CHORDC1: variants seen among roughly 807,000 people sequenced by gnomAD.
The protein encoded by CHORDC1 is cysteine and histidine-rich domain-containing protein 1.
CHORDC1 carries 25 observed loss-of-function variants against 48.3 expected under a neutral mutation model. The observed-to-expected ratio is 0.52, with a 90% CI of 0.38 to 0.72. The LOEUF (loss-of-function observed/expected upper bound fraction) is 0.72. CHORDC1 is among the 30% of genes least tolerant of loss of function. The pLI is 0.00. For synonymous variants in CHORDC1, 128 were observed against 126.4 expected, an observed-to-expected ratio of 1.01 and a Z score of -0.09; for missense variants, 317 against 388.7, an observed-to-expected ratio of 0.82 and a Z score of 1.55.
chr11:90,216,732 G>C (rs1184451705), intron 2 of CHORDC1, among the ~76,000 whole-genome samples: 1 of 152,150 alleles, frequency 6.6e-6, no homozygotes, highest in Non-Finnish European at 1.5e-5. Flanking sequence ...ACTAGGAGCA[G>C]TAAAGTTGAG....
At chr11:90,202,683 C>CT in intron 10 of CHORDC1, 130 bp downstream of exon 10, 1 of 1,391,248 alleles carries the variant, frequency 7.2e-7, no homozygotes, top group African/African-American at 1.5e-5. Context: ...TAGTCTTAAA[C>CT]TTTTTGGTAG....
In CHORDC1 at chr11:90,214,163, C is replaced by G. The variant is rs1375938075; in HGVS notation, c.184G>C (p.Gly62Arg). The G allele has an allele frequency of 4.3e-6, 7 of 1,610,262 alleles. No individual in the cohort carries two copies. The highest frequency in any genetic ancestry group is 5.9e-6 in the Non-Finnish European group (7 of 1,178,056). ...DFLSIVGCTK[G>R]RHNSEKPPEP... is the part of the protein sequence containing the mutation. ...GGTGGCTTCTCACTATTATGTCTACCTTTTGTACAGCCCTGTTAGTGAAAG... is the reference window on the plus strand; with the variant it reads ...GGTGGCTTCTCACTATTATGTCTACGTTTTGTACAGCCCTGTTAGTGAAAG... Residue 62 changes from glycine (G) to arginine (R), a missense_variant, in exon 4 of 11, where the codon GGT (glycine) becomes CGT (arginine). By Grantham distance (125) the Gly-to-Arg change is moderately radical. Transcript: ENST00000320585.
Position 90,210,535 on chromosome 11 carries a change from C to G in CHORDC1, c.492+1G>C. On this transcript the variant is annotated splice_donor_variant, in intron 6 of 10. Coordinates refer to ENST00000320585, the MANE Select transcript of CHORDC1 (RefSeq NM_012124.3). LOFTEE classifies it high-confidence loss of function. ...CACATCACAAATCTTGTGATATATA[C>G]CTTTGAACACCCTCCATTCTTACAT... is the stretch of plus-strand genomic sequence containing the variant. 6.3e-7 allele frequency: 1 copy of G among 1,580,654 alleles called. No homozygotes were observed. The highest frequency in any genetic ancestry group is 1.1e-5 in the South Asian group (1 of 89,594).
chr11:90,214,896 T>C (rs1252600566), intron 3 of CHORDC1, among the ~76,000 whole-genome samples: 1 of 152,074 alleles, frequency 6.6e-6, no homozygotes, highest in African/African-American at 2.4e-5. Context: ...AGGCTTTAAA[T>C]TGTTGCTTAC....
chr11:90,218,106 TATGAAAAAA>T lies in CHORDC1; in HGVS notation c.114+20_114+28del. On this transcript the variant is annotated intron_variant, in intron 2 of 10. Transcript: ENST00000320585. Reference sequence around the variant, plus strand: ...TACATCTCTCAATTTACTACACAGATATGAAAAAAATGAAAATATAGTTCCTACCTTTAA... The same window carrying T: ...TACATCTCTCAATTTACTACACAGATATGAAAATATAGTTCCTACCTTTAA... The T allele has an allele frequency of 6.8e-7, 1 of 1,472,676 alleles. No homozygotes were observed. The highest frequency in any genetic ancestry group is 9.2e-7 in the Non-Finnish European group (1 of 1,089,832). 91.2% of individuals were successfully genotyped at this position (1,472,676 alleles called of 1,614,324 possible). A position where few individuals can be genotyped will look rare whatever the true frequency, so the allele number is the denominator to read the frequency against.
In CHORDC1 at chr11:90,216,977, T is replaced by C. The variant is rs77114110; in HGVS notation, c.114+1158A>G. ...AGTAAAACAAAAATATCAGAAGAAA[T>C]GGCAGTCTAGGAAAAATAAAATTCC... On this transcript the variant is annotated intron_variant, in intron 2 of 10. Transcript: ENST00000320585. Among the ~76,000 whole-genome samples the C allele has an allele frequency of 4.4e-3, 675 of 151,974 alleles. 34 individuals carry two copies. The East Asian group carries it at 0.11, about 24-fold the overall frequency.
In CHORDC1 at chr11:90,200,724, T is replaced by A. The variant is rs573075296; in HGVS notation, c.*1681A>T. On this transcript the variant is annotated 3_prime_UTR_variant, in exon 11 of 11. Transcript: ENST00000320585. ...GGTTACAATAACTCACTGCTTCAAATAATATTTCAATTACATGTAACAGAT... is the reference window on the plus strand; with the variant it reads ...GGTTACAATAACTCACTGCTTCAAAAAATATTTCAATTACATGTAACAGAT... Among the ~76,000 whole-genome samples the A allele has an allele frequency of 6.6e-5, 10 of 152,098 alleles. No individual in the cohort carries two copies. The highest frequency in any genetic ancestry group is 6.5e-4 in the Admixed American group (10 of 15,278).
chr11:90,211,023 G>A (rs1408937343), intron 5 of CHORDC1, 192 bp downstream of exon 5: 2 of 388,236 alleles, frequency 5.2e-6, no homozygotes, highest in Non-Finnish European at 9.1e-6. Context: ...TTTGAATAAA[G>A]ACATATGGAA....
intron 1 of CHORDC1, among the ~76,000 whole-genome samples, 158 bp from the exon 2 acceptor site, chr11:90,218,342 G>A (rs10830446): frequency 0.43 from 64,961 of 151,922 alleles, 14,378 homozygotes; most frequent in East Asian, 0.59. Context: ...AGCACAAAGT[G>A]TACTATATTA....
chr11:90,202,168 A>G lies in CHORDC1; in HGVS notation c.*237T>C. 1 of 455,912 alleles carries G rather than the reference A, an allele frequency of 2.2e-6. No homozygotes were observed. The highest frequency in any genetic ancestry group is 3.9e-6 in the Non-Finnish European group (1 of 257,238). 28.2% of individuals were successfully genotyped at this position (455,912 alleles called of 1,614,324 possible). A position where few individuals can be genotyped will look rare whatever the true frequency, so the allele number is the denominator to read the frequency against. On this transcript the variant is annotated 3_prime_UTR_variant, in exon 11 of 11. Transcript: ENST00000320585. ...ACTTTCCAGCCTCTTCAAGTATAGG[A>G]CACAACTATGGTTCCTACCAGTAGG...
chr11:90,220,358 G>A (rs1488864081), intron 1 of CHORDC1, among the ~76,000 whole-genome samples: 3 of 152,190 alleles, frequency 2.0e-5, no homozygotes, highest in African/African-American at 7.2e-5. Context: ...CGTGGGATCA[G>A]AAAGATGTTA....
At chr11:90,206,888 T>A (rs541181153) in intron 6 of CHORDC1, 4 of 541,144 alleles carry the variant, frequency 7.4e-6, no homozygotes, top group Non-Finnish European at 1.2e-5. Context: ...TTTGTATTTA[T>A]AGCACTACCT....
chr11:90,212,423 A>T (rs1857897689), intron 4 of CHORDC1: 1 of 152,122 alleles, frequency 6.6e-6, no homozygotes, highest in South Asian at 2.1e-4. Context: ...TTTCTTTATA[A>T]ATCACTTAGT....
chr11:90,206,397 T>G (rs1857688139), intron 6 of CHORDC1, 125 bp from the exon 7 acceptor site: 2 of 629,582 alleles, frequency 3.2e-6, no homozygotes, highest in African/African-American at 3.7e-5. Flanking sequence ...ACCTAGAAAA[T>G]TCATAAATCC....
chr11:90,209,654 G>T (rs1008281774), intron 6 of CHORDC1, among the ~76,000 whole-genome samples: 1 of 152,142 alleles, frequency 6.6e-6, no homozygotes, highest in African/African-American at 2.4e-5. Flanking sequence ...TGGAGGATAT[G>T]CAAGTTTTAT....
intron 1 of CHORDC1, 139 bp downstream of exon 1, chr11:90,222,752 C>G: frequency 1.2e-6 from 1 of 814,072 alleles, no homozygotes; most frequent in Non-Finnish European, 2.1e-6. Context: ...CGCGGGCAGC[C>G]AAGGGAGGCC....
intron 2 of CHORDC1, among the ~76,000 whole-genome samples, chr11:90,216,108 G>A (rs1858005743): frequency 6.6e-6 from 1 of 151,918 alleles, no homozygotes; most frequent in South Asian, 2.1e-4. Context: ...ACTCCGAATT[G>A]AGATGTAGAT....
At chr11:90,213,106 C>T (rs931254071) in intron 4 of CHORDC1, 42 of 285,468 alleles carry the variant, frequency 1.5e-4, no homozygotes, top group African/African-American at 8.9e-4. Context: ...TCTCCTCTAA[C>T]TATGAAGATG....
In CHORDC1 at chr11:90,215,190, T is replaced by A; in HGVS notation, c.155A>T (p.Asp52Val). The A allele has an allele frequency of 6.4e-7, 1 of 1,551,226 alleles. No homozygotes were observed. The highest frequency in any genetic ancestry group is 8.8e-7 in the Non-Finnish European group (1 of 1,140,934). ...AGTACTTACTACAATGCTTAAGAAATCAGAAAAATCAGTTGTTCTTCTCTT... is the reference window on the plus strand; with the variant it reads ...AGTACTTACTACAATGCTTAAGAAAACAGAAAAATCAGTTGTTCTTCTCTT... ...CCKRRTTDFS[D>V]FLSIVGCTKG... The change falls in exon 3 of 11, where the codon GAT becomes GTT. Residue 52 changes from aspartate to valine, a missense_variant. Transcript: ENST00000320585.
Sources: gnomAD v4.1 joint callset for allele counts (sites outside exome capture counted in the v4.1 genomes callset) on GRCh38, gnomAD v4.1.1 for gene constraint, MANE v1.5 for transcripts, NCBI Gene and HGNC (gene_info 2026-07-23, HGNC 2026-07-21) for gene names.